IMMP2L: variants seen among roughly 807,000 people sequenced by gnomAD.
The protein encoded by IMMP2L is mitochondrial inner membrane protease subunit 2.
A neutral mutation model predicts 19.3 loss-of-function variants in IMMP2L; 18 were observed. The ratio of observed to expected loss-of-function variants is 0.93; its 90% confidence interval spans 0.64 to 1.38. IMMP2L has a LOEUF of 1.38. IMMP2L is among the 40% of genes most tolerant of loss of function. IMMP2L has a pLI of 0.00. For missense variants in IMMP2L, 233 were observed against 218.2 expected, an observed-to-expected ratio of 1.07 and a Z score of -0.43; for synonymous variants, 76 against 73.0, an observed-to-expected ratio of 1.04 and a Z score of -0.21.
intron 3 of IMMP2L, among the ~76,000 whole-genome samples, chr7:111,405,672 G>A (rs1012249190): frequency 2.0e-5 from 3 of 151,976 alleles, no homozygotes; most frequent in African/African-American, 4.8e-5. Context: ...TAGGTCACTG[G>A]CTGCTCCTTC....
intron 3 of IMMP2L, among the ~76,000 whole-genome samples, chr7:111,437,244 G>A (rs572017883): frequency 2.0e-4 from 30 of 151,768 alleles, no homozygotes; most frequent in East Asian, 1.2e-3. Flanking sequence ...TCATGAGTTC[G>A]AGACCAGCCT....
rs144074018 is a variant in IMMP2L, at chr7:111,552,708, A to C, written c.-3+9143T>G. Among the ~76,000 whole-genome samples, 323 of 152,286 alleles carry C rather than the reference A, an allele frequency of 2.1e-3. 3 individuals are homozygous for C. Among genetic ancestry groups the C allele is most frequent in the African/African-American group, 7.4e-3 (306 of 41,558 alleles). On this transcript the variant is annotated intron_variant, in intron 1 of 5. Coordinates refer to ENST00000405709, the MANE Select transcript of IMMP2L (RefSeq NM_032549.4). Reference sequence around the variant, plus strand: ...TTATCCTCTCAGAGAGCCTACCCTCACAAGACAGTCCACAATGATCCTTGC... The same window carrying C: ...TTATCCTCTCAGAGAGCCTACCCTCCCAAGACAGTCCACAATGATCCTTGC...
intron 5 of IMMP2L, among the ~76,000 whole-genome samples, chr7:110,667,016 C>T (rs369420116): frequency 2.6e-5 from 4 of 152,094 alleles, no homozygotes; most frequent in Non-Finnish European, 4.4e-5. Flanking sequence ...GGACTACGGG[C>T]ACCAGCCACC....
At chr7:111,141,662 C>T (rs560078011) in intron 3 of IMMP2L, among the ~76,000 whole-genome samples, 2 of 152,198 alleles carry the variant, frequency 1.3e-5, no homozygotes, top group Admixed American at 6.5e-5. Context: ...ATTTTAGTGA[C>T]ATTTCAATGA....
chr7:111,503,093 A>G (rs970508841), intron 2 of IMMP2L, among the ~76,000 whole-genome samples: 2 of 152,170 alleles, frequency 1.3e-5, no homozygotes, highest in African/African-American at 4.8e-5. Flanking sequence ...TAAAGAAAAA[A>G]AGAGAGAAGA....
rs1342887078 is a variant in IMMP2L, at chr7:110,723,371, T to C, written c.409-59650A>G. On this transcript the variant is annotated intron_variant, in intron 5 of 5. Coordinates refer to ENST00000405709, the MANE Select transcript of IMMP2L (RefSeq NM_032549.4). ...CTGACCCAAGCTTTTGATCCTCCAG[T>C]TGAGATGCAGCTGCCACATGGCAAT... 2.0e-5 allele frequency among the ~76,000 whole-genome samples: 3 copies of C among 152,230 alleles called. 1 individual carries two copies. The South Asian group carries it at 6.2e-4, about 31-fold the overall frequency.
chr7:110,763,757 A>G (rs1013298505), intron 5 of IMMP2L, among the ~76,000 whole-genome samples: 1 of 152,122 alleles, frequency 6.6e-6, no homozygotes, highest in Non-Finnish European at 1.5e-5. Flanking sequence ...ATTTTAAACT[A>G]TCATCATTGT....
chr7:111,522,946 C>G (rs1371585274), intron 1 of IMMP2L, among the ~76,000 whole-genome samples: 1 of 111,478 alleles, frequency 9.0e-6, no homozygotes, highest in Non-Finnish European at 1.9e-5. Context: ...TATTATTTCA[C>G]CATAAAAAAA....
At chr7:111,134,379 C>A (rs1802137017) in intron 3 of IMMP2L, among the ~76,000 whole-genome samples, 1 of 151,900 alleles carries the variant, frequency 6.6e-6, no homozygotes, top group African/African-American at 2.4e-5. Flanking sequence ...ATGTACTGAT[C>A]CACATAAATC....
At chr7:111,168,089 G>C (rs972159196) in intron 3 of IMMP2L, among the ~76,000 whole-genome samples, 2 of 151,872 alleles carry the variant, frequency 1.3e-5, no homozygotes, top group Non-Finnish European at 2.9e-5. Context: ...AAGGTCTATA[G>C]AACACTGGAA....
chr7:111,083,411 G>T (rs1796047911), intron 3 of IMMP2L, among the ~76,000 whole-genome samples: 1 of 152,160 alleles, frequency 6.6e-6, no homozygotes, highest in Non-Finnish European at 1.5e-5. Context: ...TGAAAAACAT[G>T]AGGTATAGCT....
intron 4 of IMMP2L, among the ~76,000 whole-genome samples, chr7:110,959,397 A>G (rs1189178144): frequency 1.3e-5 from 2 of 151,864 alleles, no homozygotes; most frequent in Non-Finnish European, 2.9e-5. Flanking sequence ...TTTTTAATAT[A>G]CTCTGGCATT....
At chr7:111,052,259 G>A (rs1029586382) in intron 3 of IMMP2L, among the ~76,000 whole-genome samples, 3 of 152,156 alleles carry the variant, frequency 2.0e-5, no homozygotes, top group Admixed American at 6.6e-5. Flanking sequence ...CCTGACCCAG[G>A]AGAGAGTAAC....
intron 3 of IMMP2L, among the ~76,000 whole-genome samples, chr7:111,312,620 T>A (rs1823640043): frequency 6.6e-6 from 1 of 152,104 alleles, no homozygotes; most frequent in African/African-American, 2.4e-5. Context: ...ATTCAATCCA[T>A]AACAGTCAAT....
intron 3 of IMMP2L, among the ~76,000 whole-genome samples, chr7:111,424,235 C>T (rs1051460188): frequency 2.6e-5 from 4 of 151,684 alleles, no homozygotes; most frequent in Non-Finnish European, 4.4e-5. Flanking sequence ...GTATCTCCAC[C>T]GTTTAACACT....
chr7:111,369,992 A>C (rs574753245), intron 3 of IMMP2L, among the ~76,000 whole-genome samples: 1 of 152,152 alleles, frequency 6.6e-6, no homozygotes, highest in East Asian at 1.9e-4. Flanking sequence ...CTGTTAAGGA[A>C]GCAATTAATT....
chr7:111,431,981 C>T (rs1168557304), intron 3 of IMMP2L, among the ~76,000 whole-genome samples: 1 of 151,652 alleles, frequency 6.6e-6, no homozygotes, highest in East Asian at 1.9e-4. Context: ...CTCAGAAATT[C>T]ATATTTGGTA....
At chr7:111,433,387 A>C (rs1284106810) in intron 3 of IMMP2L, among the ~76,000 whole-genome samples, 7 of 151,874 alleles carry the variant, frequency 4.6e-5, no homozygotes, top group Admixed American at 1.3e-4. Flanking sequence ...TCATGGTGGA[A>C]GGCAAGGAAG....
intron 3 of IMMP2L, among the ~76,000 whole-genome samples, chr7:111,333,326 G>T (rs1198554410): frequency 6.6e-6 from 1 of 152,040 alleles, no homozygotes; most frequent in Non-Finnish European, 1.5e-5. Context: ...TGTGACATAA[G>T]ATTCATTGAC....
Sources: gnomAD v4.1 joint callset for allele counts (sites outside exome capture counted in the v4.1 genomes callset) on GRCh38, gnomAD v4.1.1 for gene constraint, MANE v1.5 for transcripts, NCBI Gene and HGNC (gene_info 2026-07-23, HGNC 2026-07-21) for gene names.